Variants in CLEC16A observed in about 807,000 individuals in gnomAD.
CLEC16A encodes protein CLEC16A.
Under a neutral mutation model 109.5 loss-of-function variants are expected in CLEC16A, and 51 were observed. That is an observed-to-expected ratio of 0.47 (90% confidence interval 0.37 to 0.59). The LOEUF is 0.59. Ranked by LOEUF, CLEC16A falls within the 20% of genes least tolerant of loss-of-function variation. The pLI, the probability that CLEC16A is intolerant of heterozygous loss-of-function variation, is 0.00. For missense variants in CLEC16A, 1,339 were observed against 1,394.0 expected, an observed-to-expected ratio of 0.96 and a Z score of 0.63; for synonymous variants, 673 against 564.2, an observed-to-expected ratio of 1.19 and a Z score of -2.73.
intron 8 of CLEC16A, among the ~76,000 whole-genome samples, chr16:10,978,369 G>C (rs184382383): frequency 1.6e-4 from 25 of 152,328 alleles, no homozygotes; most frequent in Admixed American, 5.2e-4. Context: ...AGAGCCAGCT[G>C]GTCACCATGC....
At chr16:11,103,977 T>A (rs1039927803) in intron 19 of CLEC16A, among the ~76,000 whole-genome samples, 7 of 152,172 alleles carry the variant, frequency 4.6e-5, no homozygotes, top group African/African-American at 1.7e-4. Context: ...CAGGCTCAGA[T>A]CCATTTGACC....
chr16:11,039,874 C>A lies in CLEC16A; in HGVS notation c.1658C>A (p.Pro553Gln), dbSNP rs2047225767. 4 of 1,612,166 alleles carry A rather than the reference C, an allele frequency of 2.5e-6. No individual in the cohort carries two copies. Among genetic ancestry groups the A allele is most frequent in the African/African-American group, 1.3e-5 (1 of 74,898 alleles). Residue 553 changes from proline to glutamine, a missense_variant and splice_region_variant, in exon 14 of 24, where the codon CCA becomes CAA. Pro to Gln is a moderately conservative substitution (Grantham distance 76). Transcript: ENST00000409790. ...LIRIMNNAAQ[P>Q]DGKIRLATLE... ...AGGATCATGAACAACGCTGCCCAGC[C>A]AGGTGCCCACTTGGGGTGTTGTCTG... is the stretch of plus-strand genomic sequence containing the variant.
At chr16:11,094,314 C>T (rs1170514482) in intron 19 of CLEC16A, among the ~76,000 whole-genome samples, 2 of 152,178 alleles carry the variant, frequency 1.3e-5, no homozygotes, top group East Asian at 1.9e-4. Flanking sequence ...AGAAGCTCTG[C>T]GCCTGTCCTG....
chr16:11,148,860 GC>G (rs1459961779), intron 22 of CLEC16A, among the ~76,000 whole-genome samples: 3 of 152,140 alleles, frequency 2.0e-5, no homozygotes, highest in Non-Finnish European at 4.4e-5. Context: ...TTCAGCTCAG[GC>G]CCAGAAGAGC....
At chr16:11,089,935 A>C (rs1018173384) in intron 19 of CLEC16A, among the ~76,000 whole-genome samples, 1 of 152,170 alleles carries the variant, frequency 6.6e-6, no homozygotes, top group Non-Finnish European at 1.5e-5. Context: ...CAGCGGTTGG[A>C]ATTCCTGCCT....
At chr16:11,051,457 C>T in intron 17 of CLEC16A, 56 bp from the exon 18 acceptor site, 2 of 1,581,886 alleles carry the variant, frequency 1.3e-6, no homozygotes, top group South Asian at 1.1e-5. Flanking sequence ...CCCCCGGCCC[C>T]TTCCTCCTTC....
rs1368017358 is a variant in CLEC16A at position 10,954,141 on chromosome 16, G to A, written c.81-3641G>A. On this transcript the variant is annotated intron_variant, in intron 1 of 23. Transcript: ENST00000409790. This position sits in a 1 kb window ranked among gnomAD's most constrained non-coding sequence, Gnocchi z 4.2. ...AGATGGCGCCACCGACCAGGGCAAA[G>A]AACACCAAGTATTGAGAGGCCAAGA... 6.6e-6 allele frequency among the ~76,000 whole-genome samples: 1 copy of A among 152,192 alleles called. No homozygotes were observed. The highest frequency in any genetic ancestry group is 1.5e-5 in the Non-Finnish European group (1 of 68,030).
chr16:11,099,605 G>A (rs999086483), intron 19 of CLEC16A, among the ~76,000 whole-genome samples: 13 of 152,208 alleles, frequency 8.5e-5, no homozygotes, highest in Non-Finnish European at 1.5e-4. Flanking sequence ...AACAAGAAAG[G>A]CAAGGGTTTG....
chr16:11,109,168 A>AT (rs1232348804), intron 19 of CLEC16A, among the ~76,000 whole-genome samples: 2 of 133,740 alleles, frequency 1.5e-5, no homozygotes, highest in Non-Finnish European at 3.3e-5. Context: ...AACAGCCCTG[A>AT]CTTTTTTTTT....
chr16:11,029,651 G>A (rs2152824610), intron 13 of CLEC16A, among the ~76,000 whole-genome samples: 1 of 152,204 alleles, frequency 6.6e-6, no homozygotes, highest in East Asian at 1.9e-4. Flanking sequence ...TGTATATATT[G>A]TCTTGCTTTC....
intron 19 of CLEC16A, among the ~76,000 whole-genome samples, chr16:11,076,284 G>T (rs2049368839): frequency 6.6e-6 from 1 of 152,130 alleles, no homozygotes; most frequent in Non-Finnish European, 1.5e-5. Context: ...TCCCCCTTGG[G>T]CCACCGGCTT....
At chr16:11,068,786 G>A (rs1460230258) in intron 19 of CLEC16A, among the ~76,000 whole-genome samples, 1 of 152,102 alleles carries the variant, frequency 6.6e-6, no homozygotes, top group Non-Finnish European at 1.5e-5. Flanking sequence ...ACCACAGATT[G>A]AAAACATTTC....
intron 19 of CLEC16A, among the ~76,000 whole-genome samples, chr16:11,069,437 TTAC>T (rs979633312): frequency 3.3e-5 from 5 of 151,992 alleles, no homozygotes; most frequent in Admixed American, 1.3e-4. Flanking sequence ...CCTATTATTA[TTAC>T]TATTTTTTTT....
chr16:11,004,325 G>C (rs1330525183), intron 11 of CLEC16A, among the ~76,000 whole-genome samples: 1 of 152,204 alleles, frequency 6.6e-6, no homozygotes, highest in Non-Finnish European at 1.5e-5. Context: ...CTGGGGCTGG[G>C]GGCAGCGGGA....
intron 11 of CLEC16A, among the ~76,000 whole-genome samples, chr16:11,017,981 C>G (rs887157503): frequency 7.3e-6 from 1 of 136,318 alleles, no homozygotes; most frequent in African/African-American, 2.8e-5. Context: ...TAGTTAATAA[C>G]AATTTTTAAA....
intron 9 of CLEC16A, among the ~76,000 whole-genome samples, chr16:10,981,371 T>C (rs2043312303): frequency 6.6e-6 from 1 of 152,216 alleles, no homozygotes; most frequent in Admixed American, 6.5e-5. Flanking sequence ...CTGCCAAGCC[T>C]TGGACGTGGG....
At chr16:11,013,961 A>G (rs906278257) in intron 11 of CLEC16A, among the ~76,000 whole-genome samples, 2 of 152,090 alleles carry the variant, frequency 1.3e-5, no homozygotes, top group African/African-American at 4.8e-5. Context: ...AAGAAGAAGA[A>G]GAAGAAATTT....
chr16:10,956,867 G>A (rs1332093730), intron 1 of CLEC16A, among the ~76,000 whole-genome samples: 1 of 151,996 alleles, frequency 6.6e-6, no homozygotes, highest in African/African-American at 2.4e-5. Context: ...TGTGATCTCG[G>A]CTCACTGCAA....
At chr16:11,109,618 G>C (rs868425178) in intron 19 of CLEC16A, among the ~76,000 whole-genome samples, 1 of 152,130 alleles carries the variant, frequency 6.6e-6, no homozygotes, top group Non-Finnish European at 1.5e-5. Flanking sequence ...GCGCAGACTC[G>C]GGAATAGAAA....
Sources: allele counts gnomAD v4.1 joint callset (sites outside exome capture counted in the v4.1 genomes callset), GRCh38; gene constraint gnomAD v4.1.1; non-coding constraint Gnocchi (gnomAD v3.1); transcripts MANE v1.5; gene names NCBI Gene and HGNC (gene_info 2026-07-23, HGNC 2026-07-21).